The following SETD5 variants were observed in gnomAD, a reference collection of about 807,000 sequenced individuals.
The protein encoded by SETD5 is histone-lysine N-methyltransferase SETD5.
Under a neutral mutation model 153.3 loss-of-function variants are expected in SETD5, and 44 were observed. That is an observed-to-expected ratio of 0.29 (90% CI 0.23 to 0.37). The LOEUF is 0.37. Ranked by LOEUF, SETD5 falls within the 10% of genes least tolerant of loss-of-function variation. The pLI is 1.00. For synonymous variants in SETD5, 716 were observed against 645.2 expected, an observed-to-expected ratio of 1.11 and a Z score of -1.66; for missense variants, 1,544 against 1,768.0, an observed-to-expected ratio of 0.87 and a Z score of 2.27.
At position 9,441,651 on chromosome 3, in the gene SETD5, G is replaced by A; in HGVS notation, c.869G>A (p.Arg290Lys). Residue 290 changes from arginine (R) to lysine (K), a missense_variant, in exon 9 of 23, where the codon AGA (arginine) becomes AAA (lysine). Physicochemically the swap from Arg to Lys is conservative, Grantham distance 26 (BLOSUM62 2). Transcript: ENST00000402198. ...QKHRKILRAA[R>K]DLALDTLIIE... The stretch of plus-strand genomic sequence containing the variant: ...CACCGGAAGATCCTGAGGGCTGCAA[G>A]AGATTTGGCTTTGGACACTCTTATA... The A allele has an allele frequency of 6.2e-7, 1 of 1,613,988 alleles. No individual in the cohort carries two copies. Among genetic ancestry groups the A allele is most frequent in the Non-Finnish European group, 8.5e-7 (1 of 1,179,868 alleles).
At chr3:9,471,669 C>T (rs2045318136) in intron 19 of SETD5, among the ~76,000 whole-genome samples, 1 of 152,124 alleles carries the variant, frequency 6.6e-6, no homozygotes, top group Non-Finnish European at 1.5e-5. Flanking sequence ...CCAAGTAATG[C>T]CTGATCAAGA....
intron 1 of SETD5, among the ~76,000 whole-genome samples, chr3:9,415,082 G>A (rs1448220616): frequency 2.0e-5 from 3 of 152,146 alleles, no homozygotes; most frequent in Non-Finnish European, 4.4e-5. Context: ...ATGATTAAAA[G>A]AGACAGTAAC....
chr3:9,446,274 G>A (rs550867638), intron 13 of SETD5, among the ~76,000 whole-genome samples: 4 of 102,828 alleles, frequency 3.9e-5, no homozygotes, highest in South Asian at 7.7e-4. Context: ...GCAAAAGAGC[G>A]AGACTCCATC....
intron 2 of SETD5, among the ~76,000 whole-genome samples, chr3:9,425,929 A>G (rs1198121730): frequency 1.3e-5 from 2 of 152,192 alleles, no homozygotes; most frequent in Non-Finnish European, 2.9e-5. Flanking sequence ...TACGGTGATA[A>G]TCAGACTTTC....
At chr3:9,418,255 A>T (rs1292554031) in intron 1 of SETD5, among the ~76,000 whole-genome samples, 1 of 152,206 alleles carries the variant, frequency 6.6e-6, no homozygotes, top group Non-Finnish European at 1.5e-5. Flanking sequence ...CGAAGCACTC[A>T]AATCTTCTAG....
intron 1 of SETD5, among the ~76,000 whole-genome samples, chr3:9,422,781 C>CAGAG (rs2038602939): frequency 6.6e-6 from 1 of 152,158 alleles, no homozygotes; most frequent in Admixed American, 6.6e-5. Flanking sequence ...GAGAGTTGAT[C>CAGAG]AGAGATTGCT....
At chr3:9,406,029 G>A (rs1417264586) in intron 1 of SETD5, among the ~76,000 whole-genome samples, 1 of 152,140 alleles carries the variant, frequency 6.6e-6, no homozygotes, top group Non-Finnish European at 1.5e-5. Context: ...GGAAGAACCT[G>A]GAAGGACCTG....
chr3:9,465,392 A>G (rs1004939207), intron 18 of SETD5, among the ~76,000 whole-genome samples: 3 of 152,222 alleles, frequency 2.0e-5, no homozygotes, highest in Admixed American at 6.5e-5. Context: ...AATAGAATCC[A>G]TGTATACTTT....
chr3:9,427,278 G>A lies in SETD5; in HGVS notation c.-116-1545G>A, dbSNP rs550161450. 2.0e-5 allele frequency among the ~76,000 whole-genome samples: 3 copies of A among 152,354 alleles called. No homozygotes were observed. In the South Asian group the frequency reaches 6.2e-4, roughly 32 times the overall value. ...AATTTACATTAACCGGCCAGGCACG[G>A]TGGCTCACGCCTATAGTCCTAGCAC... On this transcript the variant is annotated intron_variant, in intron 2 of 22. Transcript: ENST00000402198.
intron 13 of SETD5, 130 bp from the exon 14 acceptor site, chr3:9,446,920 C>T: frequency 3.2e-6 from 2 of 618,012 alleles, no homozygotes; most frequent in Non-Finnish European, 5.5e-6. Flanking sequence ...TTCTGTTTTC[C>T]AAGTTATATG....
At chr3:9,405,621 G>T (rs2125455046) in intron 1 of SETD5, among the ~76,000 whole-genome samples, 1 of 152,244 alleles carries the variant, frequency 6.6e-6, no homozygotes, top group East Asian at 1.9e-4. Context: ...ATCTAATAAG[G>T]TATATGCGTT....
At chr3:9,449,201 A>G (rs1211505351) in intron 16 of SETD5, among the ~76,000 whole-genome samples, 3 of 152,066 alleles carry the variant, frequency 2.0e-5, no homozygotes, top group African/African-American at 7.2e-5. Context: ...CTACCCTAAA[A>G]GACTCTCTTT....
Position 9,475,585 on chromosome 3 carries a change from C to T in SETD5, c.3823C>T (p.Arg1275Ter). The T allele has an allele frequency of 6.2e-7, 1 of 1,613,918 alleles. No homozygotes were observed. Among genetic ancestry groups the T allele is most frequent in the Non-Finnish European group, 8.5e-7 (1 of 1,179,876 alleles). The change falls in exon 23 of 23, where the codon CGA (arginine) becomes TGA (stop). Residue 1275 changes from arginine to a stop codon, truncating the protein, a stop_gained. Coordinates refer to ENST00000402198, the MANE Select transcript of SETD5 (RefSeq NM_001080517.3). LOFTEE classifies it high-confidence loss of function. ...TACACAGTCTCCAGGATACAGTTAT[C>T]GAACTACTGCACTGAGACCTGGAAA... is the stretch of plus-strand genomic sequence containing the variant. The part of the protein sequence containing the change: ...HPTQSPGYSY[R>*]TTALRPGNPP...
Position 9,397,781 on chromosome 3 carries a change from C to G in SETD5, c.-373C>G, listed in dbSNP as rs190589751. On this transcript the variant is annotated 5_prime_UTR_variant, in exon 1 of 23. Transcript: ENST00000402198. Reference sequence around the variant, plus strand: ...CCAACACAGTAGTGCCGGCCCCCCTCTTTCCCTGGCCCTGCCCCCCCTCCC... The same window carrying G: ...CCAACACAGTAGTGCCGGCCCCCCTGTTTCCCTGGCCCTGCCCCCCCTCCC... The G allele has an allele frequency of 2.9e-3, 452 of 154,144 alleles. 15 individuals carry two copies. In the East Asian group the frequency reaches 0.058, roughly 20 times the overall value. 9.5% of individuals were successfully genotyped at this position (154,144 alleles called of 1,614,324 possible). A position where few individuals can be genotyped will look rare whatever the true frequency, so the allele number is the denominator to read the frequency against.
At chr3:9,398,598 G>A (rs937026534) in intron 1 of SETD5, 4 of 152,404 alleles carry the variant, frequency 2.6e-5, no homozygotes, top group African/African-American at 7.2e-5. Context: ...CTCGTTGAAT[G>A]TGTAGGGTTC....
chr3:9,445,024 A>AT (rs1458575921), intron 11 of SETD5, 24 bp from the exon 12 acceptor site: 1 of 1,607,774 alleles, frequency 6.2e-7, no homozygotes, highest in Non-Finnish European at 8.5e-7. Context: ...TGAGACAGGC[A>AT]TTTTGGTTGT....
At chr3:9,436,192 A>T (rs1440410149) in intron 7 of SETD5, among the ~76,000 whole-genome samples, 1 of 152,172 alleles carries the variant, frequency 6.6e-6, no homozygotes, top group Non-Finnish European at 1.5e-5. Flanking sequence ...TGCAGCCTCA[A>T]GTCTAGGCTT....
At chr3:9,431,562 CAG>C (rs767595181) in intron 3 of SETD5, 77 of 985,376 alleles carry the variant, frequency 7.8e-5, no homozygotes, top group Non-Finnish European at 9.0e-5. Context: ...ATGGAAATTG[CAG>C]AGTTTCTTCA....
intron 3 of SETD5, among the ~76,000 whole-genome samples, chr3:9,432,881 A>G (rs1416980970): frequency 4.6e-5 from 7 of 152,232 alleles, no homozygotes; most frequent in African/African-American, 9.7e-5. Context: ...AAAGGTCTCA[A>G]ATAATTTTCT....
Sources: gnomAD v4.1 joint callset for allele counts (sites outside exome capture counted in the v4.1 genomes callset) on GRCh38, gnomAD v4.1.1 for gene constraint, MANE v1.5 for transcripts, NCBI Gene and HGNC (gene_info 2026-07-23, HGNC 2026-07-21) for gene names.